The following ADGRL3 variants were observed in gnomAD, a reference collection of about 807,000 sequenced individuals.
The protein encoded by ADGRL3 is adhesion G protein-coupled receptor L3.
In ADGRL3, 62 loss-of-function variants were observed where a neutral mutation model predicts 153.5. That is an observed-to-expected ratio of 0.40 (90% confidence interval 0.33 to 0.50). ADGRL3 has a LOEUF of 0.50. Among genes scored for constraint, ADGRL3 ranks in the 20% least tolerant of loss-of-function variants. The probability of loss-of-function intolerance (pLI) is 0.47; values close to 1 mark genes in which losing one functional copy is unlikely to be tolerated. For synonymous variants in ADGRL3, 710 were observed against 672.5 expected, an observed-to-expected ratio of 1.06 and a Z score of -0.86; for missense variants, 1,641 against 1,859.4, an observed-to-expected ratio of 0.88 and a Z score of 2.16.
chr4:62,038,733 C>T (rs542094481), intron 24 of ADGRL3, among the ~76,000 whole-genome samples: 4 of 152,182 alleles, frequency 2.6e-5, no homozygotes, highest in South Asian at 4.1e-4. Context: ...TCCAGCCTCC[C>T]GAGTAGCTGG....
At chr4:61,787,307 G>A (rs933788534) in intron 8 of ADGRL3, among the ~76,000 whole-genome samples, 12 of 151,308 alleles carry the variant, frequency 7.9e-5, no homozygotes, top group South Asian at 2.1e-4. Flanking sequence ...CTATCCTCAC[G>A]TTATCTTTCA....
rs2098502860 is a variant in ADGRL3, at chr4:61,517,348, C to CGAAA, written c.89_90insGAAA (p.Ala31LysfsTer8). The stretch of plus-strand genomic sequence containing the variant: ...CACAGTGAACGACATCCTGCCCTTG[C>CGAAA]TGCTCCATTGCGACACGCTGAGCGC... On this transcript the variant is annotated frameshift_variant, in exon 4 of 27. Transcript: ENST00000683033. LOFTEE classifies it high-confidence loss of function. 2 of 704,244 alleles carry CGAAA rather than the reference C, an allele frequency of 2.8e-6. No homozygotes were observed. Among genetic ancestry groups the CGAAA allele is most frequent in the Non-Finnish European group, 5.2e-6 (2 of 386,392 alleles). 43.6% of individuals were successfully genotyped at this position (704,244 alleles called of 1,614,324 possible).
At chr4:61,569,416 G>GCAGT (rs1191910526) in intron 4 of ADGRL3, among the ~76,000 whole-genome samples, 2 of 152,064 alleles carry the variant, frequency 1.3e-5, no homozygotes, top group African/African-American at 4.8e-5. Flanking sequence ...CTACCTATTA[G>GCAGT]CAGTCACTCA....
intron 3 of ADGRL3, among the ~76,000 whole-genome samples, chr4:61,513,837 T>C (rs555110593): frequency 1.3e-5 from 2 of 152,264 alleles, no homozygotes; most frequent in African/African-American, 4.8e-5. Flanking sequence ...AAGAACAAGA[T>C]GCATTGACCT....
At chr4:61,246,961 A>C (rs980486036) in intron 1 of ADGRL3, among the ~76,000 whole-genome samples, 5 of 152,080 alleles carry the variant, frequency 3.3e-5, no homozygotes, top group Non-Finnish European at 5.9e-5. Context: ...TATACTATAT[A>C]ACACAACACA....
chr4:61,601,981 A>C (rs2099013946), intron 5 of ADGRL3, among the ~76,000 whole-genome samples: 1 of 152,128 alleles, frequency 6.6e-6, no homozygotes, highest in Admixed American at 6.5e-5. Flanking sequence ...TAGATCAAAA[A>C]TGTGTTTGTT....
intron 2 of ADGRL3, among the ~76,000 whole-genome samples, chr4:61,480,317 A>G (rs1361723674): frequency 6.6e-6 from 1 of 152,186 alleles, no homozygotes; most frequent in Non-Finnish European, 1.5e-5. Context: ...TTTACTTAGC[A>G]CAATGCCATC....
intron 6 of ADGRL3, among the ~76,000 whole-genome samples, chr4:61,720,168 C>T (rs1324367351): frequency 6.6e-6 from 1 of 150,658 alleles, no homozygotes; most frequent in Non-Finnish European, 1.5e-5. Flanking sequence ...CAGCTCACTG[C>T]AAGCTCCGCC....
At chr4:61,553,572 A>G (rs2098750299) in intron 4 of ADGRL3, among the ~76,000 whole-genome samples, 2 of 152,218 alleles carry the variant, frequency 1.3e-5, no homozygotes, top group South Asian at 2.1e-4. Flanking sequence ...TTTTACCCAC[A>G]TGCACTTATT....
At chr4:61,272,356 G>A (rs2093235246) in intron 1 of ADGRL3, among the ~76,000 whole-genome samples, 1 of 151,776 alleles carries the variant, frequency 6.6e-6, no homozygotes, top group Non-Finnish European at 1.5e-5. Flanking sequence ...AAGAAAATGG[G>A]AAATAGAGTA....
At chr4:61,403,488 C>A (rs1471662786) in intron 2 of ADGRL3, among the ~76,000 whole-genome samples, 4 of 152,014 alleles carry the variant, frequency 2.6e-5, no homozygotes, top group African/African-American at 9.7e-5. Context: ...GCTGGGAGGC[C>A]ATTGCACTGG....
intron 1 of ADGRL3, among the ~76,000 whole-genome samples, chr4:61,204,133 A>G (rs1736075396): frequency 6.6e-6 from 1 of 152,140 alleles, no homozygotes; most frequent in Non-Finnish European, 1.5e-5. Context: ...GGAACAGTGT[A>G]CTTTATTTTT....
intron 1 of ADGRL3, among the ~76,000 whole-genome samples, chr4:61,249,385 C>G (rs550628061): frequency 3.9e-5 from 6 of 152,218 alleles, no homozygotes; most frequent in African/African-American, 1.4e-4. Context: ...ATGCATGGCT[C>G]TATGTTGTCT....
intron 11 of ADGRL3, among the ~76,000 whole-genome samples, chr4:61,898,295 A>G (rs960988714): frequency 6.6e-6 from 1 of 152,204 alleles, no homozygotes; most frequent in South Asian, 2.1e-4. Flanking sequence ...TCTTTTTCCC[A>G]TTGAATCAGC....
intron 5 of ADGRL3, among the ~76,000 whole-genome samples, chr4:61,642,764 G>T (rs1327832187): frequency 6.6e-6 from 1 of 152,050 alleles, no homozygotes; most frequent in African/African-American, 2.4e-5. Flanking sequence ...TTGACATGGC[G>T]ATGTGGGCTC....
chr4:61,259,269 A>G (rs1030323517), intron 1 of ADGRL3, among the ~76,000 whole-genome samples: 3 of 151,978 alleles, frequency 2.0e-5, no homozygotes, highest in Admixed American at 1.3e-4. Flanking sequence ...TAAAAATATA[A>G]AAAATTAGCC....
At chr4:61,422,629 A>G (rs1236941648) in intron 2 of ADGRL3, among the ~76,000 whole-genome samples, 3 of 152,148 alleles carry the variant, frequency 2.0e-5, no homozygotes, top group African/African-American at 7.2e-5. Context: ...ATTTGAGACT[A>G]ATGTAGATGT....
intron 21 of ADGRL3, among the ~76,000 whole-genome samples, chr4:62,006,032 A>ATATTTTTTT (rs1203029363): frequency 1.4e-5 from 1 of 73,090 alleles, no homozygotes; most frequent in Non-Finnish European, 2.6e-5. Context: ...ATATATATAT[A>ATATTTTTTT]TTTTTTTTTT....
At chr4:61,559,755 A>G (rs1481966039) in intron 4 of ADGRL3, among the ~76,000 whole-genome samples, 1 of 152,146 alleles carries the variant, frequency 6.6e-6, no homozygotes. Context: ...TGTCCATACT[A>G]GTAAATATAA....
Sources: gnomAD v4.1 joint callset for allele counts (sites outside exome capture counted in the v4.1 genomes callset) on GRCh38, gnomAD v4.1.1 for gene constraint, MANE v1.5 for transcripts, NCBI Gene and HGNC (gene_info 2026-07-23, HGNC 2026-07-21) for gene names.